Variants in GRID2 observed in about 807,000 individuals in gnomAD.
The protein encoded by GRID2 is glutamate receptor ionotropic, delta-2.
A neutral mutation model predicts 114.8 loss-of-function variants in GRID2; 33 were observed. The ratio of observed to expected loss-of-function variants is 0.29; its 90% CI spans 0.22 to 0.38. The LOEUF is 0.38. Among genes scored for constraint, GRID2 ranks in the 10% least tolerant of loss-of-function variants. GRID2 has a pLI of 1.00. For missense variants in GRID2, 1,184 were observed against 1,257.7 expected, an observed-to-expected ratio of 0.94 and a Z score of 0.89; for synonymous variants, 505 against 449.9, an observed-to-expected ratio of 1.12 and a Z score of -1.55.
At chr4:93,650,430 C>A (rs2149720702) in intron 14 of GRID2, among the ~76,000 whole-genome samples, 1 of 152,130 alleles carries the variant, frequency 6.6e-6, no homozygotes, top group African/African-American at 2.4e-5. Flanking sequence ...CTCTGTCAAT[C>A]CCTCCAACTT....
chr4:93,801,816 G>A (rs1231866670), intron 1 of GRID2, among the ~76,000 whole-genome samples: 1 of 152,178 alleles, frequency 6.6e-6, no homozygotes, highest in African/African-American at 2.4e-5. Flanking sequence ...AATTATGGGG[G>A]AAATTTGGTT....
intron 8 of GRID2, among the ~76,000 whole-genome samples, chr4:93,295,604 T>G (rs1754213416): frequency 6.6e-6 from 1 of 151,952 alleles, no homozygotes; most frequent in Non-Finnish European, 1.5e-5. Flanking sequence ...CTCCTCCTCC[T>G]CTCCCCGCTC....
intron 2 of GRID2, among the ~76,000 whole-genome samples, chr4:93,020,890 G>A (rs185116446): frequency 1.9e-4 from 29 of 151,966 alleles, no homozygotes; most frequent in South Asian, 1.0e-3. Flanking sequence ...AAATTAGCCG[G>A]GCATGGTGGC....
intron 1 of GRID2, among the ~76,000 whole-genome samples, chr4:92,365,494 G>A (rs1411067788): frequency 2.0e-5 from 3 of 151,838 alleles, no homozygotes; most frequent in African/African-American, 7.2e-5. Context: ...GCTGGTGGTG[G>A]TGGTGGTGGT....
At chr4:93,758,253 G>A (rs1732924687) in intron 14 of GRID2, among the ~76,000 whole-genome samples, 1 of 152,096 alleles carries the variant, frequency 6.6e-6, no homozygotes, top group African/African-American at 2.4e-5. Flanking sequence ...GAAAATGTGG[G>A]TAAAACAGTA....
intron 2 of GRID2, among the ~76,000 whole-genome samples, chr4:92,644,460 G>A (rs1731514114): frequency 6.6e-6 from 1 of 151,642 alleles, no homozygotes; most frequent in Admixed American, 6.6e-5. Flanking sequence ...TCAGGCTGTA[G>A]CTCTCATTTT....
chr4:93,281,702 C>T (rs1752668134), intron 8 of GRID2, among the ~76,000 whole-genome samples: 1 of 151,916 alleles, frequency 6.6e-6, no homozygotes, highest in Non-Finnish European at 1.5e-5. Context: ...CTCTGAGTGA[C>T]CTAAATATGT....
At chr4:93,357,500 T>C (rs896255320) in intron 8 of GRID2, among the ~76,000 whole-genome samples, 1 of 151,668 alleles carries the variant, frequency 6.6e-6, no homozygotes, top group East Asian at 1.9e-4. Context: ...TATCAAACTA[T>C]TAATTTTCCT....
At position 93,795,997 on chromosome 4, in the gene GRID2, G is replaced by A. The variant is rs972693556; in HGVS notation, c.222-10718G>A. Among the ~76,000 whole-genome samples, 5 of 152,172 alleles carry A rather than the reference G, an allele frequency of 3.3e-5. No individual in the cohort carries two copies. The East Asian group carries it at 7.7e-4, about 23-fold the overall frequency. ...CGGAGTTCTCTTCCAAGTTCACATG[G>A]TTGCTGGAAGAATTCAGTTCCTTGC... is the stretch of plus-strand genomic sequence containing the variant. On this transcript the variant is annotated intron_variant, in intron 1 of 1. Coordinates refer to the GRID2 transcript ENST00000637838.
intron 2 of GRID2, among the ~76,000 whole-genome samples, chr4:92,717,194 C>T (rs1285332836): frequency 6.6e-6 from 1 of 152,086 alleles, no homozygotes; most frequent in African/African-American, 2.4e-5. Flanking sequence ...CTTGAAAATG[C>T]CCTGAGAAAA....
intron 8 of GRID2, among the ~76,000 whole-genome samples, chr4:93,334,287 T>C (rs2117127): frequency 0.25 from 37,748 of 152,004 alleles, 7,742 homozygotes; most frequent in African/African-American, 0.56. Flanking sequence ...TTGTAGACAG[T>C]GTTAGGACTC....
chr4:92,322,316 G>A (rs182532345), intron 1 of GRID2, among the ~76,000 whole-genome samples: 4 of 151,906 alleles, frequency 2.6e-5, no homozygotes, highest in South Asian at 2.1e-4. Context: ...TCTTGGTGGC[G>A]ACACTCTTTT....
chr4:93,340,933 G>A (rs1295144174), intron 8 of GRID2, among the ~76,000 whole-genome samples: 1 of 151,952 alleles, frequency 6.6e-6, no homozygotes, highest in Non-Finnish European at 1.5e-5. Flanking sequence ...TTTATGCCTG[G>A]CATTTCCAAG....
intron 9 of GRID2, among the ~76,000 whole-genome samples, chr4:93,418,975 C>T (rs1767991025): frequency 6.6e-6 from 1 of 150,876 alleles, no homozygotes; most frequent in Non-Finnish European, 1.5e-5. Flanking sequence ...ATGCCTCCTT[C>T]TTCTGTAACA....
At chr4:92,387,202 T>G (rs2110252374) in intron 1 of GRID2, among the ~76,000 whole-genome samples, 1 of 152,030 alleles carries the variant, frequency 6.6e-6, no homozygotes, top group African/African-American at 2.4e-5. Flanking sequence ...TAAGAACATC[T>G]TAACTCTAGA....
At chr4:92,802,211 A>G (rs966797445) in intron 2 of GRID2, among the ~76,000 whole-genome samples, 7 of 151,852 alleles carry the variant, frequency 4.6e-5, no homozygotes, top group Non-Finnish European at 8.8e-5. Flanking sequence ...CCCCGTCCCT[A>G]CATACACTCA....
At chr4:92,815,558 T>C (rs191572112) in intron 2 of GRID2, among the ~76,000 whole-genome samples, 5 of 152,224 alleles carry the variant, frequency 3.3e-5, no homozygotes, top group Non-Finnish European at 5.9e-5. Context: ...CTTTGAATGT[T>C]ATAAAATATT....
Position 92,422,225 on chromosome 4 carries a change from G to A in GRID2, c.88+117481G>A, listed in dbSNP as rs1731942887. Among the ~76,000 whole-genome samples, 3 of 152,084 alleles carry A rather than the reference G, an allele frequency of 2.0e-5. No homozygotes were observed. In the South Asian group the frequency reaches 6.2e-4, roughly 32 times the overall value. On this transcript the variant is annotated intron_variant, in intron 1 of 15. Coordinates refer to ENST00000282020, the MANE Select transcript of GRID2 (RefSeq NM_001510.4). ...GTGGGAAAAAGCTTGGTGATTTTTG[G>A]AAGAGCCGGGTAGTGTGTCTAAAGT...
intron 2 of GRID2, among the ~76,000 whole-genome samples, chr4:92,666,345 C>A (rs1426603924): frequency 6.6e-6 from 1 of 151,470 alleles, no homozygotes; most frequent in East Asian, 1.9e-4. Flanking sequence ...GTTCTTTGAG[C>A]ATCTTGAAGA....
Sources: allele counts gnomAD v4.1 joint callset (sites outside exome capture counted in the v4.1 genomes callset), GRCh38; gene constraint gnomAD v4.1.1; transcripts MANE v1.5; gene names NCBI Gene and HGNC (gene_info 2026-07-23, HGNC 2026-07-21).